PLPP3: variants seen among roughly 807,000 people sequenced by gnomAD.
The protein encoded by PLPP3 is PAP2 beta.
In PLPP3, 6 loss-of-function variants were observed where a neutral mutation model predicts 29.6. That is an observed-to-expected ratio of 0.20 (90% CI 0.11 to 0.40). The LOEUF (loss-of-function observed/expected upper bound fraction) is 0.40. Among genes scored for constraint, PLPP3 ranks in the 10% least tolerant of loss-of-function variants. The probability of loss-of-function intolerance (pLI) is 1.00; values close to 1 mark genes in which losing one functional copy is unlikely to be tolerated. For synonymous variants in PLPP3, 152 were observed against 159.7 expected, an observed-to-expected ratio of 0.95 and a Z score of 0.36; for missense variants, 308 against 407.7, an observed-to-expected ratio of 0.76 and a Z score of 2.11.
intron 1 of PLPP3, among the ~76,000 whole-genome samples, chr1:56,571,925 A>G (rs1400076469): frequency 1.3e-5 from 2 of 151,962 alleles, no homozygotes; most frequent in Admixed American, 6.6e-5. Context: ...GATCGTCTCT[A>G]TACCACATGA....
intron 5 of PLPP3, among the ~76,000 whole-genome samples, chr1:56,499,430 T>A (rs1176660910): frequency 6.6e-6 from 1 of 152,158 alleles, no homozygotes; most frequent in Non-Finnish European, 1.5e-5. Flanking sequence ...CTAATCACCC[T>A]GAATCACCCA....
intron 1 of PLPP3, chr1:56,538,540 A>G (rs999368881): frequency 5.0e-6 from 2 of 399,928 alleles, no homozygotes; most frequent in Non-Finnish European, 9.8e-6. Flanking sequence ...TTGGCCACGT[A>G]TATGAGAATC....
In PLPP3 at chr1:56,496,448, C is replaced by A; in HGVS notation, c.*103G>T. ...TTTTCCTTTTTAAAAATCAGTCGGG[C>A]AAAAGTTTTTCCCTACATTCTACTG... On this transcript the variant is annotated 3_prime_UTR_variant, in exon 6 of 6. Coordinates refer to ENST00000371250, the MANE Select transcript of PLPP3 (RefSeq NM_003713.5). 5 of 1,383,416 alleles carry A rather than the reference C, an allele frequency of 3.6e-6. No individual in the cohort carries two copies. The highest frequency in any genetic ancestry group is 1.4e-5 in the South Asian group (1 of 69,888). The allele number at this position is 1,383,416 out of a possible 1,614,324, so 85.7% of individuals were successfully genotyped here.
At chr1:56,541,121 A>G (rs1161177466) in intron 1 of PLPP3, among the ~76,000 whole-genome samples, 1 of 152,194 alleles carries the variant, frequency 6.6e-6, no homozygotes, top group Non-Finnish European at 1.5e-5. Context: ...CACCAAGGAC[A>G]CAAAGACTAT....
intron 5 of PLPP3, among the ~76,000 whole-genome samples, chr1:56,508,388 C>T (rs924986616): frequency 6.6e-6 from 1 of 152,094 alleles, no homozygotes. Flanking sequence ...CAAATGTCAG[C>T]GAAGATTACA....
At chr1:56,528,053 T>C (rs1645863250) in intron 2 of PLPP3, among the ~76,000 whole-genome samples, 2 of 152,142 alleles carry the variant, frequency 1.3e-5, no homozygotes, top group Non-Finnish European at 2.9e-5. Flanking sequence ...GGTTCTGATA[T>C]GTAAATTTCA....
chr1:56,552,117 T>G (rs1413945076), intron 1 of PLPP3, among the ~76,000 whole-genome samples: 1 of 151,964 alleles, frequency 6.6e-6, no homozygotes, highest in Non-Finnish European at 1.5e-5. Flanking sequence ...GTTCCAGACC[T>G]GAAGGCTAAG....
intron 1 of PLPP3, among the ~76,000 whole-genome samples, chr1:56,540,049 A>G (rs935174539): frequency 1.3e-5 from 2 of 152,156 alleles, no homozygotes; most frequent in Admixed American, 1.3e-4. Flanking sequence ...TCTATGGACA[A>G]TAAAACACAT....
At chr1:56,544,847 C>T (rs924187110) in intron 1 of PLPP3, among the ~76,000 whole-genome samples, 22 of 152,212 alleles carry the variant, frequency 1.4e-4, no homozygotes, top group African/African-American at 5.3e-4. Context: ...TGGAACCATA[C>T]AGATCCAGCC....
chr1:56,572,210 C>T (rs1039826883), intron 1 of PLPP3, among the ~76,000 whole-genome samples: 14 of 151,756 alleles, frequency 9.2e-5, no homozygotes, highest in African/African-American at 2.4e-4. Context: ...CCACGATGCC[C>T]GGCTAATTTT....
intron 4 of PLPP3, among the ~76,000 whole-genome samples, chr1:56,518,488 A>G (rs1429885185): frequency 1.3e-5 from 2 of 152,188 alleles, no homozygotes; most frequent in East Asian, 3.9e-4. Flanking sequence ...ACAGGCCCTT[A>G]GCAATCTATC....
At chr1:56,555,456 AAAAAC>A (rs1646070018) in intron 1 of PLPP3, among the ~76,000 whole-genome samples, 1 of 149,466 alleles carries the variant, frequency 6.7e-6, no homozygotes, top group Non-Finnish European at 1.5e-5. Context: ...AAAAAAAAAA[AAAAAC>A]AAAAAACAAA....
chr1:56,529,423 T>C (rs1269256405), intron 2 of PLPP3, among the ~76,000 whole-genome samples: 1 of 152,172 alleles, frequency 6.6e-6, no homozygotes, highest in Non-Finnish European at 1.5e-5. Context: ...AAGTTCCTGC[T>C]AGCCACAGAG....
At chr1:56,506,504 A>G (rs1040990524) in intron 5 of PLPP3, among the ~76,000 whole-genome samples, 6 of 152,194 alleles carry the variant, frequency 3.9e-5, no homozygotes, top group African/African-American at 1.4e-4. Flanking sequence ...GAAAACCAGG[A>G]AAGACTCTGC....
At chr1:56,553,166 T>C (rs373747901) in intron 1 of PLPP3, among the ~76,000 whole-genome samples, 6 of 152,104 alleles carry the variant, frequency 3.9e-5, no homozygotes, top group African/African-American at 1.4e-4. Flanking sequence ...CTCTAATCAG[T>C]CCTAAAAATA....
At chr1:56,576,869 GT>G (rs1283159430) in intron 1 of PLPP3, among the ~76,000 whole-genome samples, 1 of 152,100 alleles carries the variant, frequency 6.6e-6, no homozygotes, top group Admixed American at 6.6e-5. Context: ...AGTAGCTTGG[GT>G]TTTTACATCC....
At chr1:56,562,129 A>G (rs1375398393) in intron 1 of PLPP3, among the ~76,000 whole-genome samples, 1 of 150,772 alleles carries the variant, frequency 6.6e-6, no homozygotes, top group Admixed American at 6.6e-5. Context: ...GGACCTGGAA[A>G]AGCCCCAGAG....
At chr1:56,537,887 A>C (rs17114088) in intron 1 of PLPP3, among the ~76,000 whole-genome samples, 3,990 of 152,302 alleles carry the variant, frequency 0.026, 174 homozygotes, top group African/African-American at 0.091. Flanking sequence ...GCTGGTTATC[A>C]GTGGCCAGCT....
chr1:56,556,366 T>G (rs1646076600), intron 1 of PLPP3, among the ~76,000 whole-genome samples: 1 of 152,172 alleles, frequency 6.6e-6, no homozygotes, highest in African/African-American at 2.4e-5. Context: ...TGTTAAAGGG[T>G]CATTGATCAA....
Sources: gnomAD v4.1 joint callset for allele counts (sites outside exome capture counted in the v4.1 genomes callset) on GRCh38, gnomAD v4.1.1 for gene constraint, MANE v1.5 for transcripts, NCBI Gene and HGNC (gene_info 2026-07-23, HGNC 2026-07-21) for gene names.